GDNF: variants seen among roughly 807,000 people sequenced by gnomAD.
GDNF encodes glial cell line-derived neurotrophic factor.
GDNF carries 5 observed loss-of-function variants against 13.7 expected under a neutral mutation model. The observed-to-expected ratio is 0.36, with a 90% CI of 0.19 to 0.77. The LOEUF is 0.77. Ranked by LOEUF, GDNF falls within the 30% of genes least tolerant of loss-of-function variation. The pLI, the probability that GDNF is intolerant of heterozygous loss-of-function variation, is 0.51. For missense variants in GDNF, 246 were observed against 274.3 expected (o/e 0.90, Z 0.73); for synonymous variants, 122 against 112.5 (o/e 1.08, Z -0.53).
In GDNF at chr5:37,815,073, CT is replaced by C. The variant is rs1280436857; in HGVS notation, c.*577del. 2 of 154,468 alleles carry C rather than the reference CT, an allele frequency of 1.3e-5. No homozygotes were observed. The highest frequency in any genetic ancestry group is 6.4e-5 in the Admixed American group (1 of 15,672). 9.6% of individuals were successfully genotyped at this position (154,468 alleles called of 1,614,324 possible). On this transcript the variant is annotated 3_prime_UTR_variant, in exon 3 of 3. Transcript: ENST00000326524. This position sits in a 1 kb window ranked among gnomAD's most constrained non-coding sequence, Gnocchi z 5.0. ...GGTTGTAGTAAACCTCGGGCCTCAA[CT>C]TTCAAATGCAAAGGTGATTATCTCT...
chr5:37,816,047 A>T lies in GDNF; in HGVS notation c.240T>A (p.Asp80Glu), dbSNP rs1170837520. 1 of 1,613,576 alleles carries T rather than the reference A, an allele frequency of 6.2e-7. No homozygotes were observed. Among genetic ancestry groups the T allele is most frequent in the African/African-American group, 1.3e-5 (1 of 75,002 alleles). Reference sequence around the variant, plus strand: ...TTCTAGGAAGCACTGCCATTTGTTTATCTGGTGACCTTTTCAGTCTTTTAA... The same window carrying T: ...TTCTAGGAAGCACTGCCATTTGTTTTTCTGGTGACCTTTTCAGTCTTTTAA... ...ATIKRLKRSPDKQMAVLPRRE... is the reference protein window; with the variant it reads ...ATIKRLKRSPEKQMAVLPRRE... The change falls in exon 3 of 3, where the codon GAT becomes GAA. Residue 80 changes from aspartate to glutamate, a missense_variant. Asp to Glu is a conservative substitution (Grantham distance 45, BLOSUM62 2). Coordinates refer to ENST00000326524, the MANE Select transcript of GDNF (RefSeq NM_000514.4).
In GDNF at chr5:37,839,089, A is replaced by C. The variant is rs1478420470; in HGVS notation, c.-27+418T>G. Among the ~76,000 whole-genome samples the C allele has an allele frequency of 6.6e-6, 1 of 151,908 alleles. No individual in the cohort carries two copies. Among genetic ancestry groups the C allele is most frequent in the African/African-American group, 2.4e-5 (1 of 41,356 alleles). On this transcript the variant is annotated intron_variant, in intron 1 of 2. Transcript: ENST00000326524. This position sits in a 1 kb window ranked among gnomAD's most constrained non-coding sequence, Gnocchi z 5.5. ...CAAAACAAGCTCAATAGTAAGTTGC[A>C]CTCTTGGCAATGATAGTATCTCTGC...
chr5:37,817,638 A>G (rs1462284720), intron 2 of GDNF, among the ~76,000 whole-genome samples: 1 of 151,746 alleles, frequency 6.6e-6, no homozygotes, highest in Non-Finnish European at 1.5e-5. Context: ...TGTAATATAT[A>G]AAACATATGA....
chr5:37,824,084 T>C lies in GDNF; in HGVS notation c.152-7949A>G. On this transcript the variant is annotated intron_variant, in intron 2 of 2. Coordinates refer to ENST00000326524, the MANE Select transcript of GDNF (RefSeq NM_000514.4). Reference sequence around the variant, plus strand: ...CTCTTAAATCATCAAGTCATCTTCCTGTGCCCTATTTAAGAGAGGTAAAAG... The same window carrying C: ...CTCTTAAATCATCAAGTCATCTTCCCGTGCCCTATTTAAGAGAGGTAAAAG... The C allele has an allele frequency of 2.0e-6, 2 of 975,852 alleles. 1 individual carries two copies. Among genetic ancestry groups the C allele is most frequent in the South Asian group, 9.5e-5 (2 of 21,106 alleles). The allele number at this position is 975,852 out of a possible 1,614,324, so 60.4% of individuals were successfully genotyped here. A position where few individuals can be genotyped will look rare whatever the true frequency, so the allele number is the denominator to read the frequency against.
chr5:37,826,662 T>A lies in GDNF; in HGVS notation c.151+7984A>T, dbSNP rs187248470. On this transcript the variant is annotated intron_variant, in intron 2 of 2. Coordinates refer to ENST00000326524, the MANE Select transcript of GDNF (RefSeq NM_000514.4). ...GTCTTCAGACTGAGGCACCTGGCCC[T>A]CTGGGGGCACAGGAAGACTTTCTGC... 4.4e-3 allele frequency among the ~76,000 whole-genome samples: 667 copies of A among 152,294 alleles called. 4 individuals are homozygous for A. Among genetic ancestry groups the A allele is most frequent in the Admixed American group, 0.01 (155 of 15,300 alleles).
At chr5:37,831,488 A>G (rs183951930) in intron 2 of GDNF, among the ~76,000 whole-genome samples, 10 of 152,238 alleles carry the variant, frequency 6.6e-5, no homozygotes, top group Non-Finnish European at 7.3e-5. Flanking sequence ...GAATATGACT[A>G]TGATGAACTA....
chr5:37,837,765 C>T lies in GDNF; in HGVS notation c.-27+1742G>A, dbSNP rs1448181143. ...CCATTCTCGCTGGTTTTCCTCTCCC[C>T]ACTTCACCTGAGCGGGTTTCTTGGC... On this transcript the variant is annotated intron_variant, in intron 1 of 2. Transcript: ENST00000326524. The surrounding 1 kb of genome is among the most constrained non-coding windows in gnomAD (Gnocchi z 6.5). Among the ~76,000 whole-genome samples the T allele has an allele frequency of 1.3e-5, 2 of 152,288 alleles. No individual in the cohort carries two copies. The highest frequency in any genetic ancestry group is 2.1e-4 in the South Asian group (1 of 4,826).
intron 2 of GDNF, among the ~76,000 whole-genome samples, chr5:37,831,831 T>C (rs1323160188): frequency 2.0e-5 from 3 of 152,304 alleles, no homozygotes; most frequent in African/African-American, 7.2e-5. Context: ...GGCAAAATAC[T>C]GGCAAAAAGC....
At chr5:37,820,941 G>A (rs1750116623) in intron 2 of GDNF, among the ~76,000 whole-genome samples, 1 of 137,574 alleles carries the variant, frequency 7.3e-6, no homozygotes. Context: ...ATGAAAAATA[G>A]AAGAAACAAC....
chr5:37,821,833 C>T (rs1167720501), intron 2 of GDNF, among the ~76,000 whole-genome samples: 2 of 152,278 alleles, frequency 1.3e-5, no homozygotes, highest in East Asian at 3.9e-4. Context: ...GTGAGGGCTC[C>T]AAGTCCTCCC....
In GDNF at chr5:37,834,841, G is replaced by A. The variant is rs1455706928; in HGVS notation, c.-26-19C>T. On this transcript the variant is annotated intron_variant, in intron 1 of 2. Transcript: ENST00000326524. ...GCGGCACCTGCGCGGGCAGGCGGGA[G>A]GTGGGGGAGAGAACCGCAGAATGCA... The A allele has an allele frequency of 4.3e-6, 7 of 1,610,934 alleles. No individual in the cohort carries two copies. The South Asian group carries it at 6.6e-5, about 15-fold the overall frequency.
chr5:37,834,338 G>T (rs1157030675), intron 2 of GDNF, among the ~76,000 whole-genome samples: 1 of 152,224 alleles, frequency 6.6e-6, no homozygotes, highest in South Asian at 2.1e-4. Context: ...GGGGACAGCT[G>T]TGTGTGTGTT....
At chr5:37,819,811 G>T (rs1390420889) in intron 2 of GDNF, among the ~76,000 whole-genome samples, 1 of 151,686 alleles carries the variant, frequency 6.6e-6, no homozygotes, top group Non-Finnish European at 1.5e-5. Context: ...CTTTCTTTAG[G>T]AAGTTTTCTT....
chr5:37,833,818 G>GTAGC (rs1386758444), intron 2 of GDNF, among the ~76,000 whole-genome samples: 2 of 152,176 alleles, frequency 1.3e-5, no homozygotes, highest in Non-Finnish European at 2.9e-5. Context: ...CACATGTAAT[G>GTAGC]TAGCCTCTCT....
Position 37,815,925 on chromosome 5 carries a change from G to A in GDNF, c.362C>T (p.Thr121Ile). Residue 121 changes from threonine (T) to isoleucine (I), a missense_variant, in exon 3 of 3, where the codon ACT becomes ATT. Coordinates refer to ENST00000326524, the MANE Select transcript of GDNF (RefSeq NM_000514.4). This position sits in a 1 kb window ranked among gnomAD's most constrained non-coding sequence, Gnocchi z 5.0. ...QRGKNRGCVL[T>I]AIHLNVTDLG... ...GTCAGTGACATTTAAATGTATTGCA[G>A]TTAAGACACAACCCCGGTTTTTGCC... 1 of 1,614,162 alleles carries A rather than the reference G, an allele frequency of 6.2e-7. No individual in the cohort carries two copies. The highest frequency in any genetic ancestry group is 1.1e-5 in the South Asian group (1 of 91,080).
intron 2 of GDNF, among the ~76,000 whole-genome samples, chr5:37,824,858 G>T (rs1750254032): frequency 6.6e-6 from 1 of 152,168 alleles, no homozygotes; most frequent in African/African-American, 2.4e-5. Flanking sequence ...CATTTCCAGA[G>T]CTACCAGTGC....
chr5:37,836,569 G>A (rs769797792), intron 1 of GDNF, among the ~76,000 whole-genome samples: 3 of 152,214 alleles, frequency 2.0e-5, no homozygotes, highest in Non-Finnish European at 2.9e-5. Context: ...GGGTCGCGAT[G>A]TGCAGACACA....
chr5:37,834,971 T>C, intron 1 of GDNF, 149 bp from the exon 2 acceptor site: 1 of 662,376 alleles, frequency 1.5e-6, no homozygotes, highest in South Asian at 1.9e-5. Context: ...ACTCCTGCCC[T>C]CCTTGCAAGT....
In GDNF at chr5:37,814,955, A is replaced by C. The variant is rs1365113003; in HGVS notation, c.*696T>G. The C allele has an allele frequency of 6.5e-6, 1 of 152,744 alleles. No homozygotes were observed. The highest frequency in any genetic ancestry group is 2.4e-5 in the African/African-American group (1 of 41,464). The allele number at this position is 152,744 out of a possible 1,614,324, so 9.5% of individuals were successfully genotyped here. On this transcript the variant is annotated 3_prime_UTR_variant, in exon 3 of 3. Transcript: ENST00000326524. ...AGGAAATACCTTCAGGTTTGTGTTT[A>C]ATCATGAGCACAGCCTTTTTGGTTC... is the stretch of plus-strand genomic sequence containing the variant.
Sources: allele counts gnomAD v4.1 joint callset (sites outside exome capture counted in the v4.1 genomes callset), GRCh38; gene constraint gnomAD v4.1.1; non-coding constraint Gnocchi (gnomAD v3.1); transcripts MANE v1.5; gene names NCBI Gene and HGNC (gene_info 2026-07-23, HGNC 2026-07-21).